Variants in HEATR1 observed in about 807,000 individuals in gnomAD.
HEATR1 encodes the protein HEAT repeat containing 1, also known as HEAT repeat-containing protein 1.
A neutral mutation model predicts 248.2 loss-of-function variants in HEATR1; 77 were observed. The ratio of observed to expected loss-of-function variants is 0.31; its 90% CI spans 0.26 to 0.37. The LOEUF (loss-of-function observed/expected upper bound fraction) is 0.37, where lower values mean the gene tolerates loss of function less well. Ranked by LOEUF, HEATR1 falls within the 10% of genes least tolerant of loss-of-function variation. The pLI is 1.00. For missense variants in HEATR1, 2,420 were observed against 2,504.9 expected, an observed-to-expected ratio of 0.97 and a Z score of 0.72; for synonymous variants, 897 against 923.1, an observed-to-expected ratio of 0.97 and a Z score of 0.51.
intron 22 of HEATR1, 65 bp downstream of exon 22, chr1:236,576,154 C>A: frequency 1.6e-6 from 2 of 1,258,118 alleles, no homozygotes; most frequent in East Asian, 2.6e-5. Flanking sequence ...TCTTCACCCA[C>A]AAGCAGTTAC....
rs2103122610 is a variant in HEATR1 at position 236,553,749 on chromosome 1, G to A, written c.6079-10C>T. ...CAAGCCTGTTTTCCAGCTAGGAAGA[G>A]TAAGACAAAGACTTTGAACAACAAG... is the stretch of plus-strand genomic sequence containing the variant. On this transcript the variant is annotated splice_polypyrimidine_tract_variant and intron_variant, in intron 42 of 44. Transcript: ENST00000366582. The A allele has an allele frequency of 6.2e-7, 1 of 1,606,716 alleles. No homozygotes were observed. The highest frequency in any genetic ancestry group is 8.5e-7 in the Non-Finnish European group (1 of 1,176,704).
At chr1:236,561,802 G>T (rs1014783027) in intron 32 of HEATR1, among the ~76,000 whole-genome samples, 18 of 152,160 alleles carry the variant, frequency 1.2e-4, no homozygotes, top group Non-Finnish European at 2.6e-4. Flanking sequence ...CATTTTAACT[G>T]CATATGATAT....
chr1:236,581,234 T>C lies in HEATR1; in HGVS notation c.2743A>G (p.Ile915Val), dbSNP rs752020178. 3 of 1,612,882 alleles carry C rather than the reference T, an allele frequency of 1.9e-6. No individual in the cohort carries two copies. Among genetic ancestry groups the C allele is most frequent in the South Asian group, 2.2e-5 (2 of 90,948 alleles). Residue 915 changes from isoleucine to valine, a missense_variant, in exon 20 of 45, where the codon ATA (isoleucine) becomes GTA (valine). Coordinates refer to ENST00000366582, the MANE Select transcript of HEATR1 (RefSeq NM_018072.6). ...CTACTTTTAATACCTGGAGAAGATATGGATGCCAGTTGGTGTTTACACTGT... is the reference window on the plus strand; with the variant it reads ...CTACTTTTAATACCTGGAGAAGATACGGATGCCAGTTGGTGTTTACACTGT... ...KTQCKHQLAS[I>V]SSPVVTSLLI...
At chr1:236,581,186 G>C in intron 20 of HEATR1, 36 bp downstream of exon 20, 1 of 1,505,138 alleles carries the variant, frequency 6.6e-7, no homozygotes, top group Non-Finnish European at 9.2e-7. Flanking sequence ...ATGAACAGTT[G>C]GTCATGACAA....
At position 236,587,458 on chromosome 1, in the gene HEATR1, C is replaced by T. The variant is rs775414720; in HGVS notation, c.1659G>A (p.Thr553=). 4.6e-6 allele frequency: 7 copies of T among 1,536,430 alleles called. No homozygotes were observed. The highest frequency in any genetic ancestry group is 4.1e-5 in the African/African-American group (3 of 72,510). Residue 553 remains threonine (T), a synonymous_variant, in exon 14 of 45, where the codon ACG becomes ACA. Coordinates refer to ENST00000366582, the MANE Select transcript of HEATR1 (RefSeq NM_018072.6). The stretch of plus-strand genomic sequence containing the variant: ...GAAAGAGATTCAGAAGATTTGAAAT[C>T]GTCACTTCTGAACTGAAGTGTTCTT... ...IFKEHFSSEV[T]ISNLLNLFQR... is the part of the protein sequence containing the mutation.
chr1:236,596,691 C>T (rs1664184993), intron 6 of HEATR1, 145 bp downstream of exon 6: 2 of 739,222 alleles, frequency 2.7e-6, no homozygotes, highest in Admixed American at 6.0e-5. Flanking sequence ...AAAAAAGTGT[C>T]ATATTTTCAA....
At position 236,598,441 on chromosome 1, in the gene HEATR1, T is replaced by C. The variant is rs190669917; in HGVS notation, c.502-462A>G. Among the ~76,000 whole-genome samples, 31 of 152,302 alleles carry C rather than the reference T, an allele frequency of 2.0e-4. No homozygotes were observed. The East Asian group carries it at 5.0e-3, about 25-fold the overall frequency. Reference sequence around the variant, plus strand: ...AGATGCTCCATAAATACTGATTAAATAAATGAAAGGAGAATTTTAAGTGAA... The same window carrying C: ...AGATGCTCCATAAATACTGATTAAACAAATGAAAGGAGAATTTTAAGTGAA... On this transcript the variant is annotated intron_variant, in intron 4 of 44. Transcript: ENST00000366582.
intron 22 of HEATR1, 72 bp from the exon 23 acceptor site, chr1:236,574,975 T>A: frequency 7.1e-7 from 1 of 1,416,718 alleles, no homozygotes. Flanking sequence ...ACAGAGACAC[T>A]CAAAGCCTGC....
At chr1:236,560,641 T>C (rs995359069) in intron 33 of HEATR1, among the ~76,000 whole-genome samples, 9 of 152,152 alleles carry the variant, frequency 5.9e-5, no homozygotes, top group African/African-American at 1.9e-4. Context: ...ACAGTGGCCC[T>C]GGGAATGCCA....
At chr1:236,596,652 T>C (rs1664184032) in intron 6 of HEATR1, among the ~76,000 whole-genome samples, 184 bp downstream of exon 6, 1 of 152,192 alleles carries the variant, frequency 6.6e-6, no homozygotes, top group Admixed American at 6.5e-5. Flanking sequence ...AGAGTCCTAA[T>C]TAAGGTCCCA....
chr1:236,599,461 A>T (rs1462909933), intron 4 of HEATR1, 22 bp downstream of exon 4: 2 of 1,604,174 alleles, frequency 1.2e-6, no homozygotes, highest in East Asian at 4.5e-5. Context: ...GATTACAGAC[A>T]TATGTCATTC....
rs748464187 is a variant in HEATR1 at position 236,603,937 on chromosome 1, G to A, written c.142+17C>T. ...CAAACGCTTCCAAGAGCTTTTCTAA[G>A]TTAAAAGATGGCTCACCAATGGCGA... On this transcript the variant is annotated intron_variant, in intron 2 of 44. Coordinates refer to ENST00000366582, the MANE Select transcript of HEATR1 (RefSeq NM_018072.6). 6.3e-7 allele frequency: 1 copy of A among 1,583,006 alleles called. No homozygotes were observed. The highest frequency in any genetic ancestry group is 1.4e-5 in the African/African-American group (1 of 72,148).
rs141339161 is a variant in HEATR1 at position 236,553,674 on chromosome 1, G to A, written c.6144C>T (p.Cys2048=). The A allele has an allele frequency of 8.7e-6, 14 of 1,613,902 alleles. No homozygotes were observed. Among genetic ancestry groups the A allele is most frequent in the African/African-American group, 6.7e-5 (5 of 74,914 alleles). Residue 2048 remains cysteine, a synonymous_variant, in exon 43 of 45, where the codon TGC becomes TGT. Transcript: ENST00000366582. ...QERVTKHLIP[C]IAQFSVAMAD... ...CCATGGCCACCGAAAACTGTGCGAT[G>A]CATGGTATCAGGTGCTTTGTCACCC...
Position 236,576,241 on chromosome 1 carries a change from A to G in HEATR1, c.3062T>C (p.Val1021Ala), listed in dbSNP as rs1228095127. The change falls in exon 22 of 45, where the codon GTA (valine) becomes GCA (alanine). Residue 1021 changes from valine (V) to alanine (A), a missense_variant. Coordinates refer to ENST00000366582, the MANE Select transcript of HEATR1 (RefSeq NM_018072.6). ...PSYIAKDLMKVLQGVNGEMVL... is the reference protein window; with the variant it reads ...PSYIAKDLMKALQGVNGEMVL... ...TACCTCACCGTTGACTCCCTGAAGT[A>G]CTTTCATCAAATCTTTTGCTATATA... is the stretch of plus-strand genomic sequence containing the variant. The G allele has an allele frequency of 6.2e-7, 1 of 1,604,236 alleles. No individual in the cohort carries two copies. Among genetic ancestry groups the G allele is most frequent in the African/African-American group, 1.3e-5 (1 of 74,300 alleles).
chr1:236,552,344 A>T, intron 43 of HEATR1: 1 of 305,534 alleles, frequency 3.3e-6, no homozygotes, highest in Non-Finnish European at 6.0e-6. Flanking sequence ...CAGGACTGCA[A>T]ATCTTTAATG....
Position 236,554,701 on chromosome 1 carries a change from A to C in HEATR1, c.5975T>G (p.Leu1992Trp). 6.2e-7 allele frequency: 1 copy of C among 1,613,532 alleles called. No homozygotes were observed. Among genetic ancestry groups the C allele is most frequent in the African/African-American group, 1.3e-5 (1 of 75,032 alleles). The change falls in exon 42 of 45, where the codon TTG becomes TGG. Residue 1992 changes from leucine (L) to tryptophan (W), a missense_variant. Coordinates refer to ENST00000366582, the MANE Select transcript of HEATR1 (RefSeq NM_018072.6). Reference sequence around the variant, plus strand: ...GTATAAACAGTTCAAAATAAACTGCAACAGCAAGCAGCACTTTTCAGGGTC... The same window carrying C: ...GTATAAACAGTTCAAAATAAACTGCCACAGCAAGCAGCACTTTTCAGGGTC... ...ENDPEKCCLL[L>W]QFILNCLYKI...
chr1:236,564,588 C>G lies in HEATR1; in HGVS notation c.4509G>C (p.Glu1503Asp), dbSNP rs748116286. ...GCCGCAGTTGCTTGCTAGTGTGAGT[C>G]TCTACATTAAAAACCTGTAGCATTT... ...QEEMLQVFNVETHTSKQLRHF... is the reference protein window; with the variant it reads ...QEEMLQVFNVDTHTSKQLRHF... The change falls in exon 32 of 45, where the codon GAG (glutamate) becomes GAC (aspartate). Residue 1503 changes from glutamate (E) to aspartate (D), a missense_variant. Physicochemically the swap from Glu to Asp is conservative, Grantham distance 45. Transcript: ENST00000366582. 1.9e-6 allele frequency: 3 copies of G among 1,613,734 alleles called. No homozygotes were observed. The highest frequency in any genetic ancestry group is 2.5e-6 in the Non-Finnish European group (3 of 1,179,940).
intron 11 of HEATR1, among the ~76,000 whole-genome samples, chr1:236,591,326 T>A (rs1664032800): frequency 6.6e-6 from 1 of 152,142 alleles, no homozygotes; most frequent in African/African-American, 2.4e-5. Flanking sequence ...TAACAAATAG[T>A]GACACTCAAA....
intron 9 of HEATR1, 48 bp from the exon 10 acceptor site, chr1:236,592,681 T>C (rs1223880043): frequency 2.8e-6 from 2 of 716,270 alleles, no homozygotes; most frequent in Non-Finnish European, 2.4e-6. Flanking sequence ...AGTTACTATT[T>C]ATTGAGTACC....
Sources: allele counts gnomAD v4.1 joint callset (sites outside exome capture counted in the v4.1 genomes callset), GRCh38; gene constraint gnomAD v4.1.1; transcripts MANE v1.5; gene names NCBI Gene and HGNC (gene_info 2026-07-23, HGNC 2026-07-21).